The following CMSS1 variants were observed in gnomAD, a reference collection of about 807,000 sequenced individuals.
The protein encoded by CMSS1 is cms1 ribosomal small subunit homolog, also known as protein CMSS1.
A neutral mutation model predicts 43.5 loss-of-function variants in CMSS1; 33 were observed. The observed-to-expected ratio is 0.76, with a 90% CI of 0.57 to 1.01. CMSS1 has a LOEUF of 1.01. Among genes scored for constraint, CMSS1 ranks in the 50% least tolerant of loss-of-function variants. The pLI is 0.00. For synonymous variants in CMSS1, 115 were observed against 117.2 expected, an observed-to-expected ratio of 0.98 and a Z score of 0.12; for missense variants, 313 against 326.4, an observed-to-expected ratio of 0.96 and a Z score of 0.32.
At chr3:99,879,841 G>A (rs1259010917) in intron 1 of CMSS1, among the ~76,000 whole-genome samples, 1 of 152,166 alleles carries the variant, frequency 6.6e-6, no homozygotes, top group Non-Finnish European at 1.5e-5. Flanking sequence ...ACCTGGTCCT[G>A]TATAAGAAGC....
At chr3:100,103,994 G>A (rs983618690) in intron 1 of CMSS1, among the ~76,000 whole-genome samples, 4 of 152,240 alleles carry the variant, frequency 2.6e-5, no homozygotes, top group South Asian at 2.1e-4. Flanking sequence ...TAGTAGAAGC[G>A]TCCTCTTACC....
At chr3:99,943,516 C>T (rs1392878632) in intron 1 of CMSS1, among the ~76,000 whole-genome samples, 2 of 152,074 alleles carry the variant, frequency 1.3e-5, no homozygotes, top group Non-Finnish European at 2.9e-5. Context: ...CCAGCCTGAC[C>T]AATATGGTGA....
chr3:99,983,456 A>ATATGTG (rs796519364), intron 1 of CMSS1, among the ~76,000 whole-genome samples: 8 of 9,868 alleles, frequency 8.1e-4, no homozygotes, highest in South Asian at 4.0e-3. Context: ...GTATATATAT[A>ATATGTG]TATGTGTGTA....
At chr3:100,153,444 G>C (rs1458681155) in intron 2 of CMSS1, among the ~76,000 whole-genome samples, 2 of 152,176 alleles carry the variant, frequency 1.3e-5, no homozygotes, top group East Asian at 1.9e-4. Context: ...CCATAGACAG[G>C]GTGGCTGAAA....
intron 1 of CMSS1, among the ~76,000 whole-genome samples, chr3:99,819,472 A>G (rs775285713): frequency 6.6e-6 from 1 of 152,214 alleles, no homozygotes; most frequent in Non-Finnish European, 1.5e-5. Flanking sequence ...TTATGTGACA[A>G]ATGTCTTCAT....
At chr3:99,851,088 C>A in intron 1 of CMSS1, 1 of 1,545,216 alleles carries the variant, frequency 6.5e-7, no homozygotes. Flanking sequence ...ATGTAAAGTG[C>A]ATTTTATTTT....
chr3:99,909,677 A>G (rs1706731216), intron 1 of CMSS1, among the ~76,000 whole-genome samples: 1 of 152,216 alleles, frequency 6.6e-6, no homozygotes, highest in African/African-American at 2.4e-5. Flanking sequence ...TTCATCATAC[A>G]GATGAAAAAA....
chr3:100,120,561 C>T (rs559716237), intron 1 of CMSS1, among the ~76,000 whole-genome samples: 2 of 152,174 alleles, frequency 1.3e-5, no homozygotes, highest in East Asian at 1.9e-4. Flanking sequence ...GGTATTATAC[C>T]AACCGTGCTA....
At chr3:99,974,720 A>G (rs1361946827) in intron 1 of CMSS1, among the ~76,000 whole-genome samples, 2 of 152,166 alleles carry the variant, frequency 1.3e-5, no homozygotes, top group Non-Finnish European at 2.9e-5. Context: ...AACAACAACA[A>G]CAACAACAAC....
intron 1 of CMSS1, among the ~76,000 whole-genome samples, chr3:99,966,049 G>A (rs922556939): frequency 1.6e-4 from 25 of 152,190 alleles, no homozygotes; most frequent in African/African-American, 5.3e-4. Context: ...TCCCTGCTGA[G>A]GTTAATAGGG....
At chr3:99,891,528 A>G (rs1027721412) in intron 1 of CMSS1, among the ~76,000 whole-genome samples, 1 of 151,972 alleles carries the variant, frequency 6.6e-6, no homozygotes, top group Non-Finnish European at 1.5e-5. Context: ...GAAATATTGT[A>G]TATATTTTAT....
intron 1 of CMSS1, among the ~76,000 whole-genome samples, chr3:100,055,356 G>A (rs980878982): frequency 3.3e-5 from 5 of 152,076 alleles, no homozygotes; most frequent in Non-Finnish European, 7.4e-5. Flanking sequence ...CCATCCAGGC[G>A]ATAGAAAATC....
chr3:100,114,049 TTACCGTGCAGG>T (rs1242886127), intron 1 of CMSS1: 4 of 152,084 alleles, frequency 2.6e-5, no homozygotes, highest in African/African-American at 9.7e-5. Flanking sequence ...GACACTTAGC[TTACCGTGCAGG>T]TACCGTGCAG....
chr3:99,996,360 A>G (rs935897884), intron 1 of CMSS1, among the ~76,000 whole-genome samples: 2 of 152,286 alleles, frequency 1.3e-5, no homozygotes, highest in African/African-American at 2.4e-5. Flanking sequence ...TATTGTCCAT[A>G]TCACTGCCAG....
At chr3:99,845,024 A>G (rs765937733) in intron 1 of CMSS1, among the ~76,000 whole-genome samples, 1 of 152,192 alleles carries the variant, frequency 6.6e-6, no homozygotes, top group Admixed American at 6.5e-5. Context: ...AAAATGGACT[A>G]ATAAAACTGG....
intron 1 of CMSS1, among the ~76,000 whole-genome samples, chr3:99,951,079 A>G (rs1708163141): frequency 6.6e-6 from 1 of 152,136 alleles, no homozygotes; most frequent in Non-Finnish European, 1.5e-5. Flanking sequence ...GCCTTGAGTT[A>G]AGTCACTTAC....
intron 1 of CMSS1, among the ~76,000 whole-genome samples, chr3:99,842,825 C>T (rs1192572355): frequency 1.3e-5 from 2 of 152,180 alleles, no homozygotes; most frequent in Non-Finnish European, 2.9e-5. Flanking sequence ...TTTGTAAGTG[C>T]TCCCATGTAA....
chr3:100,062,751 G>A (rs966198584), intron 1 of CMSS1, among the ~76,000 whole-genome samples: 4 of 152,160 alleles, frequency 2.6e-5, no homozygotes, highest in South Asian at 2.1e-4. Flanking sequence ...CTGAGATGTC[G>A]TTGTGAAAAA....
At chr3:100,109,250 G>T (rs2066446474) in intron 1 of CMSS1, among the ~76,000 whole-genome samples, 1 of 151,996 alleles carries the variant, frequency 6.6e-6, no homozygotes, top group South Asian at 2.1e-4. Context: ...AAATCTGCAA[G>T]AATTCCATAC....
Sources: allele counts gnomAD v4.1 joint callset (sites outside exome capture counted in the v4.1 genomes callset), GRCh38; gene constraint gnomAD v4.1.1; transcripts MANE v1.5; gene names NCBI Gene and HGNC (gene_info 2026-07-23, HGNC 2026-07-21).